GRIK4: variants seen among roughly 807,000 people sequenced by gnomAD.
GRIK4 encodes the protein glutamate receptor ionotropic, kainate 4.
GRIK4 carries 40 observed loss-of-function variants against 104.9 expected under a neutral mutation model. That is an observed-to-expected ratio of 0.38 (90% CI 0.30 to 0.50). The LOEUF (loss-of-function observed/expected upper bound fraction) is 0.50, where lower values mean the gene tolerates loss of function less well. GRIK4 is among the 20% of genes least tolerant of loss of function. The probability of loss-of-function intolerance (pLI) is 0.93; values close to 1 mark genes in which losing one functional copy is unlikely to be tolerated. For missense variants in GRIK4, 1,047 were observed against 1,308.1 expected (o/e 0.80, Z 3.08); for synonymous variants, 485 against 524.9 (o/e 0.92, Z 1.04).
At chr11:120,874,246 C>T (rs1224390455) in intron 10 of GRIK4, 28 bp downstream of exon 10, 4 of 1,591,024 alleles carry the variant, frequency 2.5e-6, no homozygotes, top group Non-Finnish European at 3.4e-6. Flanking sequence ...CCCTGCAGGG[C>T]TGTGCCCAGG....
At chr11:120,968,759 G>A (rs1052672617) in intron 19 of GRIK4, among the ~76,000 whole-genome samples, 5 of 152,184 alleles carry the variant, frequency 3.3e-5, no homozygotes, top group South Asian at 2.1e-4. Flanking sequence ...TTTCAGTCTC[G>A]TCTCTACCAG....
Position 120,911,244 on chromosome 11 carries a change from T to C in GRIK4, c.1476+5751T>C, listed in dbSNP as rs573518277. Among the ~76,000 whole-genome samples the C allele has an allele frequency of 2.7e-4, 41 of 150,650 alleles. No individual in the cohort carries two copies. The South Asian group carries it at 3.6e-3, about 13-fold the overall frequency. On this transcript the variant is annotated intron_variant, in intron 13 of 20. Coordinates refer to ENST00000527524, the MANE Select transcript of GRIK4 (RefSeq NM_014619.5). ...AGGTACAGATTCCAAAATTCTCTTT[T>C]TTTTTTTTTTTTGAGACGGAGTTTC...
rs1443862710 is a variant in GRIK4, at chr11:120,897,551, G to A, written c.1165-981G>A. On this transcript the variant is annotated intron_variant, in intron 11 of 20. Coordinates refer to ENST00000527524, the MANE Select transcript of GRIK4 (RefSeq NM_014619.5). ...CGGGAGGCAGAGGTTGCAATGAGCC[G>A]AGATCGCACAACTAGACTCTAGCCT... is the stretch of plus-strand genomic sequence containing the variant. 2.6e-5 allele frequency among the ~76,000 whole-genome samples: 3 copies of A among 115,038 alleles called. No individual in the cohort carries two copies. In the Admixed American group the frequency reaches 3.8e-4, roughly 14 times the overall value. 75.5% of individuals were successfully genotyped at this position (115,038 alleles called of 152,430 possible).
chr11:120,830,757 G>A (rs1017089136), intron 6 of GRIK4, among the ~76,000 whole-genome samples: 1 of 152,268 alleles, frequency 6.6e-6, no homozygotes. Context: ...AACACAATAA[G>A]CATTTGATAA....
At chr11:120,785,339 T>C (rs1483751789) in intron 3 of GRIK4, among the ~76,000 whole-genome samples, 3 of 152,152 alleles carry the variant, frequency 2.0e-5, no homozygotes, top group Non-Finnish European at 4.4e-5. Flanking sequence ...ATGGGGACTA[T>C]CTTCCTACCC....
chr11:120,683,130 A>C (rs764436577), intron 3 of GRIK4, among the ~76,000 whole-genome samples: 3 of 152,066 alleles, frequency 2.0e-5, no homozygotes, highest in Non-Finnish European at 2.9e-5. Flanking sequence ...CAGAGTGGAC[A>C]CTCCATAAAC....
rs1944053292 is a variant in GRIK4 at position 120,953,341 on chromosome 11, GCCCT to G, written c.1700+378_1700+381del. Among the ~76,000 whole-genome samples the G allele has an allele frequency of 6.6e-6, 1 of 152,160 alleles. No individual in the cohort carries two copies. The highest frequency in any genetic ancestry group is 2.1e-4 in the South Asian group (1 of 4,820). On this transcript the variant is annotated intron_variant, in intron 15 of 20. Transcript: ENST00000527524. This position sits in a 1 kb window ranked among gnomAD's most constrained non-coding sequence, Gnocchi z 4.9. ...CTCATTAAGCACTGTGCATTTGGCTGCCCTGGCATCAGTCATTGCCACAAAGGAT... is the reference window on the plus strand; with the variant it reads ...CTCATTAAGCACTGTGCATTTGGCTGGGCATCAGTCATTGCCACAAAGGAT...
At position 120,752,878 on chromosome 11, in the gene GRIK4, T is replaced by C. The variant is rs534496685; in HGVS notation, c.83-49815T>C. 7.2e-5 allele frequency among the ~76,000 whole-genome samples: 11 copies of C among 152,282 alleles called. No individual in the cohort carries two copies. The East Asian group carries it at 2.1e-3, about 29-fold the overall frequency. On this transcript the variant is annotated intron_variant, in intron 3 of 20. Transcript: ENST00000527524. ...TTCTAAGCCTGTTCACCCTCCTCCATAGTCAAGTCAGAGGAGGCTCCCTCC... is the reference window on the plus strand; with the variant it reads ...TTCTAAGCCTGTTCACCCTCCTCCACAGTCAAGTCAGAGGAGGCTCCCTCC...
chr11:120,635,552 C>T (rs1050589256), intron 1 of GRIK4, among the ~76,000 whole-genome samples: 6 of 152,216 alleles, frequency 3.9e-5, no homozygotes, highest in African/African-American at 1.4e-4. Context: ...GGAAGTCCCC[C>T]AGGGAGGGGT....
intron 1 of GRIK4, among the ~76,000 whole-genome samples, chr11:120,610,415 T>G (rs577775268): frequency 6.6e-6 from 1 of 152,358 alleles, no homozygotes; most frequent in African/African-American, 2.4e-5. Flanking sequence ...CACTCCTGGA[T>G]GCCAACCCCC....
At chr11:120,826,630 G>A (rs1004123958) in intron 6 of GRIK4, among the ~76,000 whole-genome samples, 3 of 152,186 alleles carry the variant, frequency 2.0e-5, no homozygotes, top group Admixed American at 6.5e-5. Flanking sequence ...GGGGTCTTCC[G>A]ACACCCATTC....
chr11:120,651,021 C>A (rs965823809), intron 1 of GRIK4, among the ~76,000 whole-genome samples: 1 of 152,186 alleles, frequency 6.6e-6, no homozygotes, highest in East Asian at 1.9e-4. Context: ...CGATTTTTCT[C>A]CTCTGCCAGA....
At chr11:120,667,115 T>C (rs1949928006) in intron 3 of GRIK4, among the ~76,000 whole-genome samples, 1 of 152,186 alleles carries the variant, frequency 6.6e-6, no homozygotes, top group Non-Finnish European at 1.5e-5. Flanking sequence ...TAAGACCCCC[T>C]TCAGTCTGGG....
intron 3 of GRIK4, among the ~76,000 whole-genome samples, chr11:120,778,948 C>A (rs17124315): frequency 1.3e-5 from 2 of 152,166 alleles, no homozygotes; most frequent in Non-Finnish European, 2.9e-5. Context: ...CTCAGACTCA[C>A]GGCGGGGCTC....
chr11:120,586,783 C>T (rs1948671014), intron 1 of GRIK4, among the ~76,000 whole-genome samples: 1 of 152,128 alleles, frequency 6.6e-6, no homozygotes, highest in Non-Finnish European at 1.5e-5. Context: ...TTGATCAAGC[C>T]CCAGGGTGCC....
At chr11:120,697,361 A>G (rs1444489389) in intron 3 of GRIK4, among the ~76,000 whole-genome samples, 1 of 152,196 alleles carries the variant, frequency 6.6e-6, no homozygotes, top group Non-Finnish European at 1.5e-5. Flanking sequence ...CACGCCTGTA[A>G]TCCCAGCATC....
intron 1 of GRIK4, among the ~76,000 whole-genome samples, chr11:120,523,926 CTTTT>C (rs35679853): frequency 7.1e-6 from 1 of 141,594 alleles, no homozygotes; most frequent in African/African-American, 2.6e-5. Flanking sequence ...CTTCTGCATT[CTTTT>C]TTTTTTTTTT....
At chr11:120,711,078 G>A (rs1950727379) in intron 3 of GRIK4, among the ~76,000 whole-genome samples, 1 of 151,976 alleles carries the variant, frequency 6.6e-6, no homozygotes, top group East Asian at 1.9e-4. Context: ...GCCATGCTGA[G>A]CTGTAGGAGA....
chr11:120,903,252 G>T lies in GRIK4; in HGVS notation c.1273-2038G>T, dbSNP rs1942783942. Reference sequence around the variant, plus strand: ...GCCTCCCCTCTGCAGCCGGGCCTTGGTAATCCCTGAGCCCAGCTCTCCTCT... The same window carrying T: ...GCCTCCCCTCTGCAGCCGGGCCTTGTTAATCCCTGAGCCCAGCTCTCCTCT... On this transcript the variant is annotated intron_variant, in intron 12 of 20. Transcript: ENST00000527524. The surrounding 1 kb of genome is among the most constrained non-coding windows in gnomAD (Gnocchi z 4.4). Among the ~76,000 whole-genome samples the T allele has an allele frequency of 6.6e-6, 1 of 152,078 alleles. No homozygotes were observed. The highest frequency in any genetic ancestry group is 2.1e-4 in the South Asian group (1 of 4,814).
Sources: allele counts gnomAD v4.1 joint callset (sites outside exome capture counted in the v4.1 genomes callset), GRCh38; gene constraint gnomAD v4.1.1; non-coding constraint Gnocchi (gnomAD v3.1); transcripts MANE v1.5; gene names NCBI Gene and HGNC (gene_info 2026-07-23, HGNC 2026-07-21).